TBC1D22A: variants seen among roughly 807,000 people sequenced by gnomAD.
TBC1D22A encodes the protein TBC1 domain family member 22A, also known as putative GTPase activator.
In TBC1D22A, 38 loss-of-function variants were observed where a neutral mutation model predicts 60.2. The observed-to-expected ratio is 0.63, with a 90% confidence interval of 0.49 to 0.83. TBC1D22A has a LOEUF of 0.83. TBC1D22A is among the 40% of genes least tolerant of loss of function. The pLI, the probability that TBC1D22A is intolerant of heterozygous loss-of-function variation, is 0.00. For missense variants in TBC1D22A, 628 were observed against 701.0 expected, an observed-to-expected ratio of 0.90 and a Z score of 1.18; for synonymous variants, 302 against 281.7, an observed-to-expected ratio of 1.07 and a Z score of -0.72.
chr22:47,015,360 A>T (rs1395503770), intron 10 of TBC1D22A, among the ~76,000 whole-genome samples: 1 of 152,236 alleles, frequency 6.6e-6, no homozygotes, highest in East Asian at 1.9e-4. Flanking sequence ...CGCTCAAAGC[A>T]TTTCAGGAAC....
At chr22:47,006,176 C>T (rs2061587189) in intron 10 of TBC1D22A, among the ~76,000 whole-genome samples, 1 of 152,180 alleles carries the variant, frequency 6.6e-6, no homozygotes, top group African/African-American at 2.4e-5. Context: ...ATTTCCGTCG[C>T]TTGATGTGTC....
At chr22:46,943,888 C>T (rs1405787027) in intron 8 of TBC1D22A, among the ~76,000 whole-genome samples, 3 of 152,214 alleles carry the variant, frequency 2.0e-5, no homozygotes, top group Non-Finnish European at 4.4e-5. Context: ...CGCGTCAGTA[C>T]TCCGGTCCTT....
intron 7 of TBC1D22A, among the ~76,000 whole-genome samples, chr22:46,903,465 T>C (rs573405065): frequency 6.6e-6 from 1 of 152,220 alleles, no homozygotes; most frequent in African/African-American, 2.4e-5. Flanking sequence ...CCGCTTGAAT[T>C]TGGGGACCTG....
intron 11 of TBC1D22A, among the ~76,000 whole-genome samples, chr22:47,048,269 C>G (rs1334460647): frequency 6.6e-6 from 1 of 152,142 alleles, no homozygotes. Flanking sequence ...CAGAGCACCC[C>G]CTTAGCACTT....
chr22:47,104,035 G>C (rs759524808), intron 11 of TBC1D22A, among the ~76,000 whole-genome samples: 1 of 152,148 alleles, frequency 6.6e-6, no homozygotes, highest in Non-Finnish European at 1.5e-5. Context: ...GGCTGGGCAC[G>C]GTGGCTCACG....
rs1569247702 is a variant in TBC1D22A at position 46,941,348 on chromosome 22, T to TATATAC, written c.1015+29161_1015+29162insTATACA. On this transcript the variant is annotated intron_variant, in intron 8 of 12. Coordinates refer to ENST00000337137, the MANE Select transcript of TBC1D22A (RefSeq NM_014346.5). ...TGGGGCACTACAATATATATATATA[T>TATATAC]AGAATATATATACAGAATATATATA... 6.6e-4 allele frequency among the ~76,000 whole-genome samples: 62 copies of TATATAC among 93,490 alleles called. 1 individual carries two copies. The highest frequency in any genetic ancestry group is 2.6e-3 in the African/African-American group (58 of 21,916). The allele number at this position is 93,490 out of a possible 152,430, so 61.3% of individuals were successfully genotyped here.
chr22:46,937,868 CA>C (rs1368236477), intron 8 of TBC1D22A, among the ~76,000 whole-genome samples: 1 of 151,222 alleles, frequency 6.6e-6, no homozygotes, highest in Non-Finnish European at 1.5e-5. Flanking sequence ...AAATTAAAGA[CA>C]GAAAAAAGCT....
In TBC1D22A at chr22:47,111,567, A is replaced by T; in HGVS notation, c.1389A>T (p.Arg463Ser). 1.2e-6 allele frequency: 2 copies of T among 1,614,068 alleles called. No individual in the cohort carries two copies. The highest frequency in any genetic ancestry group is 1.7e-6 in the Non-Finnish European group (2 of 1,180,014). Residue 463 changes from arginine (R) to serine (S), a missense_variant, in exon 12 of 13, where the codon AGA becomes AGT. Coordinates refer to ENST00000337137, the MANE Select transcript of TBC1D22A (RefSeq NM_014346.5). ...ACGTGTGCGCTGCTTTTCTCGTGAG[A>T]TGGAGGAAGGAAATACTAGAAGAAA... ...HLYVCAAFLV[R>S]WRKEILEEKD...
intron 12 of TBC1D22A, among the ~76,000 whole-genome samples, chr22:47,118,359 T>C (rs1436179033): frequency 6.6e-6 from 1 of 152,048 alleles, no homozygotes; most frequent in African/African-American, 2.4e-5. Context: ...TAGATCATAA[T>C]AAAGTTAAAA....
At chr22:46,804,914 T>C (rs2085062826) in intron 4 of TBC1D22A, among the ~76,000 whole-genome samples, 1 of 152,222 alleles carries the variant, frequency 6.6e-6, no homozygotes, top group Admixed American at 6.5e-5. Flanking sequence ...ATAATTTCTT[T>C]TGTAGATGAG....
At chr22:47,013,389 A>G (rs1016631866) in intron 10 of TBC1D22A, among the ~76,000 whole-genome samples, 2 of 152,018 alleles carry the variant, frequency 1.3e-5, no homozygotes, top group Non-Finnish European at 2.9e-5. Context: ...TAAACTGAGA[A>G]TAGTTAATTA....
chr22:47,005,171 A>G (rs1216035887), intron 10 of TBC1D22A, among the ~76,000 whole-genome samples: 1 of 151,680 alleles, frequency 6.6e-6, no homozygotes, highest in East Asian at 1.9e-4. Flanking sequence ...ACATACCACT[A>G]TACACACGTG....
intron 7 of TBC1D22A, among the ~76,000 whole-genome samples, chr22:46,908,851 C>T (rs2069681510): frequency 6.6e-6 from 1 of 152,256 alleles, no homozygotes; most frequent in South Asian, 2.1e-4. Context: ...TGATTTGCCC[C>T]GTAGTGCATA....
chr22:46,934,705 C>A (rs995540377), intron 8 of TBC1D22A, among the ~76,000 whole-genome samples: 4 of 152,240 alleles, frequency 2.6e-5, no homozygotes, highest in African/African-American at 7.2e-5. Flanking sequence ...CAGGAAGGGT[C>A]TGCTCTAAGT....
At chr22:47,084,345 G>A (rs2064594537) in intron 11 of TBC1D22A, among the ~76,000 whole-genome samples, 1 of 152,330 alleles carries the variant, frequency 6.6e-6, no homozygotes, top group Middle Eastern at 3.4e-3. Context: ...CAGGGGTGAC[G>A]ACTGGACCGG....
chr22:46,949,416 C>T (rs924358863), intron 8 of TBC1D22A, among the ~76,000 whole-genome samples: 2 of 152,184 alleles, frequency 1.3e-5, no homozygotes, highest in Non-Finnish European at 2.9e-5. Flanking sequence ...AGCCTGACCC[C>T]GTCCCCCATG....
intron 8 of TBC1D22A, among the ~76,000 whole-genome samples, chr22:46,940,119 G>C (rs868218969): frequency 6.6e-6 from 1 of 152,192 alleles, no homozygotes; most frequent in Non-Finnish European, 1.5e-5. Context: ...CATCTATTAA[G>C]TGTGCAATAT....
intron 4 of TBC1D22A, among the ~76,000 whole-genome samples, chr22:46,868,188 A>G (rs2067143178): frequency 6.6e-6 from 1 of 152,166 alleles, no homozygotes; most frequent in Admixed American, 6.5e-5. Flanking sequence ...AGTGTAAGAA[A>G]ATGATTGCTT....
At chr22:47,035,718 G>T (rs968102585) in intron 10 of TBC1D22A, among the ~76,000 whole-genome samples, 1 of 152,158 alleles carries the variant, frequency 6.6e-6, no homozygotes, top group African/African-American at 2.4e-5. Flanking sequence ...GACCAGAGCT[G>T]CCCATGCTTT....
Sources: allele counts gnomAD v4.1 joint callset (sites outside exome capture counted in the v4.1 genomes callset), GRCh38; gene constraint gnomAD v4.1.1; transcripts MANE v1.5; gene names NCBI Gene and HGNC (gene_info 2026-07-23, HGNC 2026-07-21).